Variants in DKK2 observed in about 807,000 individuals in gnomAD.
The protein encoded by DKK2 is dickkopf-related protein 2.
In DKK2, 11 loss-of-function variants were observed where a neutral mutation model predicts 28.1. That is an observed-to-expected ratio of 0.39 (90% CI 0.25 to 0.65). The LOEUF is 0.65. DKK2 is among the 30% of genes least tolerant of loss of function. The probability of loss-of-function intolerance (pLI) is 0.47; values close to 1 mark genes in which losing one functional copy is unlikely to be tolerated. For synonymous variants in DKK2, 135 were observed against 126.5 expected, an observed-to-expected ratio of 1.07 and a Z score of -0.45; for missense variants, 326 against 335.5, an observed-to-expected ratio of 0.97 and a Z score of 0.22.
chr4:106,978,773 G>T (rs1036803498), intron 1 of DKK2, among the ~76,000 whole-genome samples: 26 of 151,506 alleles, frequency 1.7e-4, no homozygotes, highest in Non-Finnish European at 8.8e-5. Context: ...GGCGTTCCGG[G>T]TGCCACTGGG....
chr4:107,022,394 A>G (rs1005688202), intron 1 of DKK2, among the ~76,000 whole-genome samples: 10 of 152,116 alleles, frequency 6.6e-5, no homozygotes, highest in Non-Finnish European at 5.9e-5. Context: ...TACCAATAGA[A>G]GAAGGTCTGT....
intron 2 of DKK2, 106 bp downstream of exon 2, chr4:106,925,693 T>C: frequency 7.1e-7 from 1 of 1,413,866 alleles, no homozygotes; most frequent in Non-Finnish European, 9.5e-7. Context: ...CTACCAGGCT[T>C]CTTATATTTC....
At chr4:107,034,392 G>C (rs1340184219) in intron 1 of DKK2, among the ~76,000 whole-genome samples, 3 of 152,160 alleles carry the variant, frequency 2.0e-5, no homozygotes, top group Non-Finnish European at 4.4e-5. Context: ...AGCGGAAGGG[G>C]GAGCTGTCAT....
intron 1 of DKK2, among the ~76,000 whole-genome samples, chr4:106,971,251 G>T (rs772543370): frequency 6.6e-6 from 1 of 152,022 alleles, no homozygotes; most frequent in Non-Finnish European, 1.5e-5. Flanking sequence ...ATTCCCTCTT[G>T]ATATGCAATT....
chr4:106,981,536 C>A (rs1388208018), intron 1 of DKK2, among the ~76,000 whole-genome samples: 1 of 152,106 alleles, frequency 6.6e-6, no homozygotes, highest in Non-Finnish European at 1.5e-5. Context: ...TTGAATTTCC[C>A]CCTTTTTAAC....
In DKK2 at chr4:107,007,453, T is replaced by A. The variant is rs992693525; in HGVS notation, c.222+27917A>T. Reference sequence around the variant, plus strand: ...AGAGTGACTCCGTTTATCCATAGATTTGAAATGTCATGCATATTTTAAAAT... The same window carrying A: ...AGAGTGACTCCGTTTATCCATAGATATGAAATGTCATGCATATTTTAAAAT... On this transcript the variant is annotated intron_variant, in intron 1 of 3. Transcript: ENST00000285311. Among the ~76,000 whole-genome samples the A allele has an allele frequency of 2.0e-5, 3 of 152,168 alleles. No homozygotes were observed. The South Asian group carries it at 6.2e-4, about 32-fold the overall frequency.
chr4:107,018,673 G>A (rs556358974), intron 1 of DKK2, among the ~76,000 whole-genome samples: 2 of 152,190 alleles, frequency 1.3e-5, no homozygotes, highest in African/African-American at 4.8e-5. Flanking sequence ...ATCAGACCAA[G>A]AAGGGAATAT....
At chr4:107,019,325 G>C (rs1269258758) in intron 1 of DKK2, among the ~76,000 whole-genome samples, 2 of 151,954 alleles carry the variant, frequency 1.3e-5, no homozygotes, top group African/African-American at 4.8e-5. Flanking sequence ...TGAGTCACAT[G>C]GGATCACAGA....
chr4:106,987,338 C>T (rs1188883098), intron 1 of DKK2, among the ~76,000 whole-genome samples: 2 of 152,176 alleles, frequency 1.3e-5, no homozygotes, highest in Admixed American at 1.3e-4. Flanking sequence ...ACTGTGTGTG[C>T]CTTGGTCAAT....
intron 1 of DKK2, among the ~76,000 whole-genome samples, chr4:107,006,105 A>C (rs992757821): frequency 3.9e-5 from 6 of 152,212 alleles, no homozygotes; most frequent in Non-Finnish European, 7.4e-5. Context: ...GAAACTAAAA[A>C]CCAAAGGTCT....
intron 1 of DKK2, among the ~76,000 whole-genome samples, chr4:106,970,941 G>GA (rs746649035): frequency 6.6e-6 from 1 of 152,052 alleles, no homozygotes; most frequent in Admixed American, 6.6e-5. Flanking sequence ...TTTGGAAACA[G>GA]AAAAAAGGAA....
intron 1 of DKK2, among the ~76,000 whole-genome samples, chr4:106,978,735 G>T (rs34138279): frequency 1.3e-5 from 2 of 152,036 alleles, no homozygotes; most frequent in Non-Finnish European, 2.9e-5. Flanking sequence ...AGCCCCCTTT[G>T]CAGGGGAGTG....
intron 1 of DKK2, among the ~76,000 whole-genome samples, chr4:106,945,551 A>G (rs748947451): frequency 1.3e-5 from 2 of 152,122 alleles, no homozygotes; most frequent in Non-Finnish European, 2.9e-5. Flanking sequence ...CAAACTTCCA[A>G]CACAAGTTTG....
chr4:106,965,500 A>G (rs1450183546), intron 1 of DKK2, among the ~76,000 whole-genome samples: 1 of 152,108 alleles, frequency 6.6e-6, no homozygotes, highest in Admixed American at 6.6e-5. Flanking sequence ...TGTTTTTTAT[A>G]TTTATATAAT....
intron 1 of DKK2, among the ~76,000 whole-genome samples, chr4:107,029,380 G>GAATGTCTTTTTTATTAAATGTTT (rs1334798423): frequency 6.6e-6 from 1 of 152,088 alleles, no homozygotes; most frequent in Non-Finnish European, 1.5e-5. Context: ...TATGTCTCAG[G>GAATGTCTTTTTTATTAAATGTTT]AATGTCTTTT....
intron 1 of DKK2, among the ~76,000 whole-genome samples, chr4:107,028,295 A>G (rs1396239976): frequency 1.3e-5 from 2 of 152,150 alleles, no homozygotes; most frequent in African/African-American, 4.8e-5. Context: ...CTTCTTGTAC[A>G]TCATATGCAT....
chr4:106,957,690 GGGAATTGAACAA>G (rs1722616456), intron 1 of DKK2, among the ~76,000 whole-genome samples: 2 of 142,750 alleles, frequency 1.4e-5, no homozygotes, highest in Admixed American at 1.5e-4. Context: ...ACTCATAGAT[GGGAATTGAACAA>G]TGAGAACACA....
chr4:107,012,307 C>T (rs1385043202), intron 1 of DKK2, among the ~76,000 whole-genome samples: 1 of 151,354 alleles, frequency 6.6e-6, no homozygotes, highest in African/African-American at 2.4e-5. Flanking sequence ...TAGAACAATT[C>T]AGCAACAGTT....
At chr4:106,934,945 A>C (rs1448171090) in intron 1 of DKK2, among the ~76,000 whole-genome samples, 3 of 152,218 alleles carry the variant, frequency 2.0e-5, no homozygotes, top group African/African-American at 7.2e-5. Flanking sequence ...GGCAGGAAGC[A>C]TTTTATCCCT....
Sources: allele counts gnomAD v4.1 joint callset (sites outside exome capture counted in the v4.1 genomes callset), GRCh38; gene constraint gnomAD v4.1.1; transcripts MANE v1.5; gene names NCBI Gene and HGNC (gene_info 2026-07-23, HGNC 2026-07-21).